Variants in MITF observed in about 807,000 individuals in gnomAD.
MITF encodes the protein microphthalmia-associated transcription factor.
Under a neutral mutation model 60.5 loss-of-function variants are expected in MITF, and 17 were observed. That is an observed-to-expected ratio of 0.28 (90% CI 0.19 to 0.42). The LOEUF is 0.42. MITF is among the 10% of genes least tolerant of loss of function. The pLI is 1.00. For missense variants in MITF, 622 were observed against 683.5 expected, an observed-to-expected ratio of 0.91 and a Z score of 1.00; for synonymous variants, 260 against 248.5, an observed-to-expected ratio of 1.05 and a Z score of -0.43.
chr3:69,836,519 A>G (rs765410632), intron 1 of MITF, among the ~76,000 whole-genome samples: 1 of 152,240 alleles, frequency 6.6e-6, no homozygotes, highest in Non-Finnish European at 1.5e-5. Flanking sequence ...TAGGAGCTCA[A>G]TAAATACTTG....
At chr3:69,828,206 A>C (rs901370181) in intron 1 of MITF, among the ~76,000 whole-genome samples, 10 of 110,644 alleles carry the variant, frequency 9.0e-5, no homozygotes, top group Non-Finnish European at 2.4e-4. Context: ...ACCCCAACTT[A>C]AGGAGCTTTG....
chr3:69,866,939 C>T (rs1274686489), intron 1 of MITF, among the ~76,000 whole-genome samples: 9 of 151,368 alleles, frequency 5.9e-5, no homozygotes, highest in Admixed American at 5.9e-4. Context: ...AAACAGACAT[C>T]CAAACATCAG....
At chr3:69,844,647 C>T (rs1026810093) in intron 1 of MITF, among the ~76,000 whole-genome samples, 1 of 152,120 alleles carries the variant, frequency 6.6e-6, no homozygotes. Flanking sequence ...TAAAGAGCTT[C>T]TGCACAGCAA....
At position 69,939,154 on chromosome 3, in the gene MITF, C is replaced by T. The variant is rs137944487; in HGVS notation, c.639C>T (p.Asn213=). 3.5e-5 allele frequency: 57 copies of T among 1,614,094 alleles called. 1 individual carries two copies. The Middle Eastern group carries it at 8.2e-4, about 23-fold the overall frequency. The change falls in exon 4 of 10, where the codon AAC becomes AAT. Residue 213 remains asparagine, a synonymous_variant. Coordinates refer to ENST00000352241, the MANE Select transcript of MITF (RefSeq NM_001354604.2). ...NRAESECPGM[N]THSRASCMQM... ...CAGAGAGCGAGTGCCCAGGCATGAA[C>T]ACACATTCACGAGCGTCCTGTATGC...
At chr3:69,886,104 C>A (rs2064610688) in intron 2 of MITF, among the ~76,000 whole-genome samples, 1 of 152,060 alleles carries the variant, frequency 6.6e-6, no homozygotes, top group South Asian at 2.1e-4. Context: ...AGTGGTAATA[C>A]CTCTCCTGGA....
rs138289182 is a variant in MITF at position 69,947,152 on chromosome 3, A to G, written c.763-1899A>G. Among the ~76,000 whole-genome samples the G allele has an allele frequency of 3.3e-5, 5 of 152,340 alleles. No homozygotes were observed. In the East Asian group the frequency reaches 5.8e-4, roughly 18 times the overall value. The stretch of plus-strand genomic sequence containing the variant: ...AGTGAGTTTTGCATACAATTTGCCT[A>G]TGAAAACCATATGTGTGATTTACCT... On this transcript the variant is annotated intron_variant, in intron 5 of 9. Transcript: ENST00000352241.
chr3:69,952,522 TTGTG>T (rs1434752527), intron 7 of MITF, among the ~76,000 whole-genome samples: 1 of 152,074 alleles, frequency 6.6e-6, no homozygotes, highest in Non-Finnish European at 1.5e-5. Context: ...AGGTAGGAAA[TTGTG>T]TGTGAATTTC....
chr3:69,914,889 C>A (rs2065301455), intron 2 of MITF, among the ~76,000 whole-genome samples: 1 of 152,072 alleles, frequency 6.6e-6, no homozygotes, highest in African/African-American at 2.4e-5. Flanking sequence ...AGGGCTCCAC[C>A]TTTAAAAATA....
chr3:69,842,537 A>T (rs906794507), intron 1 of MITF, among the ~76,000 whole-genome samples: 17 of 152,154 alleles, frequency 1.1e-4, no homozygotes, highest in African/African-American at 3.6e-4. Flanking sequence ...GAAGTGAATG[A>T]GTGTGATGCA....
At chr3:69,907,550 G>A (rs2065128004) in intron 2 of MITF, among the ~76,000 whole-genome samples, 1 of 152,164 alleles carries the variant, frequency 6.6e-6, no homozygotes, top group South Asian at 2.1e-4. Flanking sequence ...ATAAGCAGGA[G>A]GTAGTATTCT....
At chr3:69,883,452 G>A (rs553827686) in intron 2 of MITF, among the ~76,000 whole-genome samples, 1 of 152,172 alleles carries the variant, frequency 6.6e-6, no homozygotes, top group Non-Finnish European at 1.5e-5. Context: ...TGAGGGGAAG[G>A]GTTAATGGCT....
intron 2 of MITF, among the ~76,000 whole-genome samples, chr3:69,888,549 C>A (rs1298037246): frequency 6.6e-6 from 1 of 151,704 alleles, no homozygotes; most frequent in Non-Finnish European, 1.5e-5. Flanking sequence ...AAGCCGTAGA[C>A]GTACATTGAC....
chr3:69,842,625 T>C (rs770205304), intron 1 of MITF, among the ~76,000 whole-genome samples: 1 of 152,162 alleles, frequency 6.6e-6, no homozygotes, highest in Non-Finnish European at 1.5e-5. Context: ...GTTTTCAGGG[T>C]GTTCACCTAC....
At position 69,830,462 on chromosome 3, in the gene MITF, A is replaced by G. The variant is rs564893329; in HGVS notation, c.105-48672A>G. Among the ~76,000 whole-genome samples the G allele has an allele frequency of 2.6e-4, 40 of 152,130 alleles. No individual in the cohort carries two copies. The South Asian group carries it at 7.9e-3, about 30-fold the overall frequency. The stretch of plus-strand genomic sequence containing the variant: ...CCCTGACTACCATGTTTAAAATTGC[A>G]TTCCTCTCCTGGCCCCCAAATCCTG... On this transcript the variant is annotated intron_variant, in intron 1 of 9. Coordinates refer to ENST00000352241, the MANE Select transcript of MITF (RefSeq NM_001354604.2).
intron 1 of MITF, among the ~76,000 whole-genome samples, chr3:69,826,495 T>C (rs1386947308): frequency 6.6e-6 from 1 of 152,222 alleles, no homozygotes; most frequent in Non-Finnish European, 1.5e-5. Context: ...TTTTCTAATT[T>C]GGGGCATTTA....
At position 69,881,751 on chromosome 3, in the gene MITF, A is replaced by G. The variant is rs575502925; in HGVS notation, c.354+2368A>G. ...TTAATCTTGGACCATTTATTTCTCC[A>G]TGAATATATATTTTCAAAGAATGGT... is the stretch of plus-strand genomic sequence containing the variant. On this transcript the variant is annotated intron_variant, in intron 2 of 9. Coordinates refer to ENST00000352241, the MANE Select transcript of MITF (RefSeq NM_001354604.2). Among the ~76,000 whole-genome samples, 5 of 152,216 alleles carry G rather than the reference A, an allele frequency of 3.3e-5. No homozygotes were observed. In the South Asian group the frequency reaches 1.0e-3, roughly 32 times the overall value.
chr3:69,758,224 C>T (rs1056122364), intron 1 of MITF, among the ~76,000 whole-genome samples: 89 of 151,692 alleles, frequency 5.9e-4, no homozygotes, highest in African/African-American at 1.8e-3. Flanking sequence ...GATTAGAGTG[C>T]GGGGATGCAA....
At chr3:69,809,886 T>A (rs2063073454) in intron 1 of MITF, among the ~76,000 whole-genome samples, 1 of 152,200 alleles carries the variant, frequency 6.6e-6, no homozygotes, top group African/African-American at 2.4e-5. Flanking sequence ...GCGGAGACTC[T>A]CTTATGCGTC....
At chr3:69,767,890 C>A (rs1025500598) in intron 1 of MITF, among the ~76,000 whole-genome samples, 1 of 152,094 alleles carries the variant, frequency 6.6e-6, no homozygotes, top group African/African-American at 2.4e-5. Context: ...CATCGTTCAG[C>A]CCTGAAGATA....
Sources: gnomAD v4.1 joint callset for allele counts (sites outside exome capture counted in the v4.1 genomes callset) on GRCh38, gnomAD v4.1.1 for gene constraint, MANE v1.5 for transcripts, NCBI Gene and HGNC (gene_info 2026-07-23, HGNC 2026-07-21) for gene names.